Variants in SNX9 observed in about 807,000 individuals in gnomAD.
SNX9 encodes the protein sorting nexin 9.
SNX9 carries 44 observed loss-of-function variants against 89.4 expected under a neutral mutation model. The observed-to-expected ratio is 0.49, with a 90% confidence interval of 0.39 to 0.63. SNX9 has a LOEUF of 0.63. Among genes scored for constraint, SNX9 ranks in the 30% least tolerant of loss-of-function variants. The pLI is 0.00. For missense variants in SNX9, 578 were observed against 736.1 expected (o/e 0.79, Z 2.49); for synonymous variants, 236 against 247.8 (o/e 0.95, Z 0.45).
At position 157,944,402 on chromosome 6, in the gene SNX9, C is replaced by T. The variant is rs536186000; in HGVS notation, c.*1564C>T. On this transcript the variant is annotated 3_prime_UTR_variant, in exon 18 of 18. Coordinates refer to ENST00000392185, the MANE Select transcript of SNX9 (RefSeq NM_016224.5). ...CATAGAACAATGTTTATGCTATAGC[C>T]ATTTAATATATGTACAAATTGTAAA... 1.3e-5 allele frequency: 2 copies of T among 152,560 alleles called. No homozygotes were observed. The highest frequency in any genetic ancestry group is 1.9e-4 in the East Asian group (1 of 5,184). The allele number at this position is 152,560 out of a possible 1,614,324, so 9.5% of individuals were successfully genotyped here. A position where few individuals can be genotyped will look rare whatever the true frequency, so the allele number is the denominator to read the frequency against.
chr6:157,887,428 G>T (rs1265127596), intron 4 of SNX9, among the ~76,000 whole-genome samples: 1 of 152,114 alleles, frequency 6.6e-6, no homozygotes, highest in Non-Finnish European at 1.5e-5. Flanking sequence ...GTGCAGATCT[G>T]CAGTGTCCTC....
intron 1 of SNX9, among the ~76,000 whole-genome samples, chr6:157,849,450 G>C (rs980005306): frequency 6.6e-6 from 1 of 152,230 alleles, no homozygotes; most frequent in Non-Finnish European, 1.5e-5. Flanking sequence ...GCACTGGAAG[G>C]TTTGAGTCAA....
At chr6:157,909,833 C>G in intron 8 of SNX9, 43 bp downstream of exon 8, 1 of 1,612,018 alleles carries the variant, frequency 6.2e-7, no homozygotes, top group African/African-American at 1.3e-5. Flanking sequence ...GTTTGGATCA[C>G]TGATTGCAGC....
intron 1 of SNX9, among the ~76,000 whole-genome samples, chr6:157,854,616 T>C (rs1181350840): frequency 6.6e-6 from 1 of 151,798 alleles, no homozygotes; most frequent in African/African-American, 2.4e-5. Flanking sequence ...TTGGCACTTT[T>C]AGAAACTGTT....
chr6:157,857,488 A>G (rs889139443), intron 1 of SNX9, among the ~76,000 whole-genome samples: 1 of 152,124 alleles, frequency 6.6e-6, no homozygotes. Flanking sequence ...GACCCATTAT[A>G]TGATTTATTT....
intron 13 of SNX9, 82 bp downstream of exon 13, chr6:157,932,354 C>T (rs985942390): frequency 2.3e-6 from 3 of 1,283,456 alleles, no homozygotes; most frequent in African/African-American, 2.9e-5. Context: ...CAGACGCTAA[C>T]TCCCTCCTCA....
At chr6:157,929,733 C>G (rs1415673682) in intron 12 of SNX9, among the ~76,000 whole-genome samples, 3 of 151,614 alleles carry the variant, frequency 2.0e-5, no homozygotes, top group Non-Finnish European at 4.4e-5. Flanking sequence ...TATTTTTACA[C>G]TAAAAAAAGA....
intron 1 of SNX9, among the ~76,000 whole-genome samples, chr6:157,845,137 C>CA (rs1781780604): frequency 7.0e-6 from 1 of 143,464 alleles, no homozygotes; most frequent in Non-Finnish European, 1.5e-5. Context: ...AGACGGAGTT[C>CA]CGCTCTTGTC....
chr6:157,873,985 A>G (rs1198204123), intron 3 of SNX9: 2 of 152,212 alleles, frequency 1.3e-5, no homozygotes, highest in African/African-American at 4.8e-5. Context: ...CTTGTCTTTC[A>G]TGTTGGGTGA....
At chr6:157,916,223 A>G (rs1002773310) in intron 9 of SNX9, among the ~76,000 whole-genome samples, 1 of 151,964 alleles carries the variant, frequency 6.6e-6, no homozygotes. Flanking sequence ...TTTAGTAGAG[A>G]TGGGGTTTCA....
intron 6 of SNX9, among the ~76,000 whole-genome samples, chr6:157,904,956 A>T (rs1783180275): frequency 6.6e-6 from 1 of 152,186 alleles, no homozygotes; most frequent in Non-Finnish European, 1.5e-5. Flanking sequence ...TTCCAAAGAG[A>T]GGATGACTTA....
intron 1 of SNX9, among the ~76,000 whole-genome samples, chr6:157,852,828 C>T (rs935002753): frequency 2.6e-5 from 4 of 152,182 alleles, no homozygotes; most frequent in African/African-American, 7.2e-5. Flanking sequence ...TCCACCTCGG[C>T]CTCCAAAATG....
At chr6:157,840,460 C>CT (rs1781682766) in intron 1 of SNX9, among the ~76,000 whole-genome samples, 5 of 150,484 alleles carry the variant, frequency 3.3e-5, no homozygotes, top group South Asian at 2.1e-4. Context: ...TCCTTCCTTC[C>CT]TTCCTTCTCC....
chr6:157,907,582 C>T (rs1783244387), intron 7 of SNX9, among the ~76,000 whole-genome samples: 1 of 152,224 alleles, frequency 6.6e-6, no homozygotes, highest in African/African-American at 2.4e-5. Context: ...CTGCGCCCGG[C>T]CTGCCTCACA....
intron 1 of SNX9, 128 bp from the exon 2 acceptor site, chr6:157,867,419 C>A: frequency 1.5e-6 from 1 of 666,764 alleles, no homozygotes; most frequent in Non-Finnish European, 2.6e-6. Flanking sequence ...GTCTTCCTTT[C>A]TTCCAAAACA....
chr6:157,897,643 A>C (rs1280778986), intron 5 of SNX9, among the ~76,000 whole-genome samples: 3 of 151,936 alleles, frequency 2.0e-5, no homozygotes, highest in Non-Finnish European at 4.4e-5. Context: ...GAGTAGCTGG[A>C]ATTACAGGAG....
At chr6:157,834,168 T>G (rs1447784003) in intron 1 of SNX9, among the ~76,000 whole-genome samples, 9 of 115,070 alleles carry the variant, frequency 7.8e-5, no homozygotes, top group African/African-American at 2.6e-4. Context: ...TTTTTTTTTT[T>G]TTTTTTTTTT....
At chr6:157,921,012 T>C (rs1328506229) in intron 9 of SNX9, among the ~76,000 whole-genome samples, 1 of 152,264 alleles carries the variant, frequency 6.6e-6, no homozygotes, top group Non-Finnish European at 1.5e-5. Flanking sequence ...TTCATAATGC[T>C]AAATTTAAAC....
intron 12 of SNX9, among the ~76,000 whole-genome samples, chr6:157,929,115 G>A (rs181741123): frequency 3.3e-5 from 5 of 152,302 alleles, no homozygotes; most frequent in Admixed American, 2.6e-4. Context: ...GTTAGTAGTA[G>A]AAAATATGTC....
Sources: allele counts gnomAD v4.1 joint callset (sites outside exome capture counted in the v4.1 genomes callset), GRCh38; gene constraint gnomAD v4.1.1; transcripts MANE v1.5; gene names NCBI Gene and HGNC (gene_info 2026-07-23, HGNC 2026-07-21).